JPH1: variants seen among roughly 807,000 people sequenced by gnomAD.
JPH1 encodes junctophilin 1.
JPH1 carries 12 observed loss-of-function variants against 53.6 expected under a neutral mutation model. The observed-to-expected ratio is 0.22, with a 90% CI of 0.14 to 0.36. The LOEUF is 0.36. JPH1 is among the 10% of genes least tolerant of loss of function. The pLI, the probability that JPH1 is intolerant of heterozygous loss-of-function variation, is 1.00. For missense variants in JPH1, 808 were observed against 905.5 expected, an observed-to-expected ratio of 0.89 and a Z score of 1.38; for synonymous variants, 375 against 363.8, an observed-to-expected ratio of 1.03 and a Z score of -0.35.
intron 2 of JPH1, among the ~76,000 whole-genome samples, chr8:74,301,175 T>G (rs1807671160): frequency 6.6e-6 from 1 of 151,958 alleles, no homozygotes; most frequent in Non-Finnish European, 1.5e-5. Flanking sequence ...TCAACCAGGG[T>G]CTTTTATCAC....
intron 2 of JPH1, among the ~76,000 whole-genome samples, chr8:74,268,148 A>G (rs1806589613): frequency 6.6e-6 from 1 of 152,238 alleles, no homozygotes; most frequent in African/African-American, 2.4e-5. Flanking sequence ...TGAAGTACTT[A>G]GTACTAACAT....
intron 2 of JPH1, among the ~76,000 whole-genome samples, chr8:74,297,429 T>C (rs1807551999): frequency 6.6e-6 from 1 of 152,116 alleles, no homozygotes; most frequent in South Asian, 2.1e-4. Flanking sequence ...CCACAGAACA[T>C]AACACAAAAC....
At chr8:74,294,751 G>A (rs1204971527) in intron 2 of JPH1, among the ~76,000 whole-genome samples, 1 of 152,196 alleles carries the variant, frequency 6.6e-6, no homozygotes, top group Non-Finnish European at 1.5e-5. Context: ...CAGGCATTTG[G>A]AAAATGCTGG....
intron 2 of JPH1, among the ~76,000 whole-genome samples, chr8:74,274,586 G>A (rs1806795204): frequency 6.6e-6 from 1 of 152,182 alleles, no homozygotes; most frequent in African/African-American, 2.4e-5. Flanking sequence ...GTGCTAGACA[G>A]AGGGTATAAG....
chr8:74,293,774 G>A (rs555201386), intron 2 of JPH1, among the ~76,000 whole-genome samples: 2 of 152,194 alleles, frequency 1.3e-5, no homozygotes, highest in Non-Finnish European at 2.9e-5. Context: ...ACCATAAAGA[G>A]GGGAGGGCAC....
intron 2 of JPH1, among the ~76,000 whole-genome samples, chr8:74,273,206 G>A (rs929145728): frequency 2.0e-5 from 3 of 152,282 alleles, no homozygotes; most frequent in African/African-American, 2.4e-5. Flanking sequence ...CTCAACTACT[G>A]AATGTTTGCT....
intron 2 of JPH1, among the ~76,000 whole-genome samples, chr8:74,289,051 G>A (rs894112726): frequency 1.5e-4 from 23 of 152,170 alleles, no homozygotes; most frequent in African/African-American, 5.3e-4. Context: ...GAGTGGGGAA[G>A]CTGCAGCATA....
At chr8:74,285,335 C>T (rs1807131938) in intron 2 of JPH1, among the ~76,000 whole-genome samples, 1 of 151,596 alleles carries the variant, frequency 6.6e-6, no homozygotes, top group Non-Finnish European at 1.5e-5. Flanking sequence ...CATATAAATA[C>T]TATATGTATT....
chr8:74,254,294 A>C (rs1258326692), intron 3 of JPH1, among the ~76,000 whole-genome samples: 2 of 152,148 alleles, frequency 1.3e-5, no homozygotes, highest in Non-Finnish European at 2.9e-5. Flanking sequence ...GACAAAAACC[A>C]CATGATTATC....
At chr8:74,253,821 C>G (rs943050688) in intron 3 of JPH1, among the ~76,000 whole-genome samples, 1 of 152,040 alleles carries the variant, frequency 6.6e-6, no homozygotes, top group African/African-American at 2.4e-5. Flanking sequence ...TTGACACAAA[C>G]ACTCTCCCAA....
chr8:74,285,130 A>C (rs1383371599), intron 2 of JPH1, among the ~76,000 whole-genome samples: 1 of 151,956 alleles, frequency 6.6e-6, no homozygotes, highest in African/African-American at 2.4e-5. Flanking sequence ...GCCTATGGTT[A>C]CTATTTCTAA....
At chr8:74,257,925 C>A (rs1030609847) in intron 3 of JPH1, among the ~76,000 whole-genome samples, 18 of 152,276 alleles carry the variant, frequency 1.2e-4, no homozygotes, top group Admixed American at 1.1e-3. Flanking sequence ...AAAACCGAAT[C>A]TTCTTTGCCT....
In JPH1 at chr8:74,321,319, G is replaced by A. The variant is rs892301334; in HGVS notation, c.-32C>T. On this transcript the variant is annotated 5_prime_UTR_variant, in exon 1 of 6. Transcript: ENST00000342232. This position sits in a 1 kb window ranked among gnomAD's most constrained non-coding sequence, Gnocchi z 4.3. ...GGCAGCCCCGGCGCGCTCCCCGCAG[G>A]GGCACGGACGCGGGCAGTGCTGGGC... 6 of 1,501,374 alleles carry A rather than the reference G, an allele frequency of 4.0e-6. No individual in the cohort carries two copies. In the South Asian group the frequency reaches 6.7e-5, roughly 17 times the overall value. 93.0% of individuals were successfully genotyped at this position (1,501,374 alleles called of 1,614,324 possible). A position where few individuals can be genotyped will look rare whatever the true frequency, so the allele number is the denominator to read the frequency against.
At position 74,320,273 on chromosome 8, in the gene JPH1, T is replaced by C. The variant is rs888348514; in HGVS notation, c.379+636A>G. Among the ~76,000 whole-genome samples the C allele has an allele frequency of 9.2e-5, 14 of 152,150 alleles. No individual in the cohort carries two copies. The highest frequency in any genetic ancestry group is 3.1e-4 in the African/African-American group (13 of 41,440). On this transcript the variant is annotated intron_variant, in intron 1 of 5. Coordinates refer to ENST00000342232, the MANE Select transcript of JPH1 (RefSeq NM_020647.4). The surrounding 1 kb of genome is among the most constrained non-coding windows in gnomAD (Gnocchi z 4.4). ...GAATGAAAACTAGGAACTCACACAC[T>C]CTGAACTCCACCTGCATCAGGTGGC...
chr8:74,315,024 TGGAGCCGTCA>T lies in JPH1; in HGVS notation c.966_975del (p.Asp323LysfsTer15). 1 of 1,614,246 alleles carries T rather than the reference TGGAGCCGTCA, an allele frequency of 6.2e-7. No individual in the cohort carries two copies. Among genetic ancestry groups the T allele is most frequent in the Non-Finnish European group, 8.5e-7 (1 of 1,180,050 alleles). On this transcript the variant is annotated frameshift_variant, in exon 2 of 6. Transcript: ENST00000342232. LOFTEE classifies it high-confidence loss of function. The surrounding 1 kb of genome is among the most constrained non-coding windows in gnomAD (Gnocchi z 6.3). ...TTATTTTTGTATTTTCCCTCTTCTT[TGGAGCCGTCA>T]GGAAACACGGTACAGCCATATCCAT...
chr8:74,237,951 A>G (rs1246422016), intron 4 of JPH1, among the ~76,000 whole-genome samples: 1 of 152,196 alleles, frequency 6.6e-6, no homozygotes, highest in East Asian at 1.9e-4. Context: ...AAACTATGGG[A>G]TCCTATTTTG....
intron 2 of JPH1, among the ~76,000 whole-genome samples, chr8:74,272,176 T>C (rs1355942484): frequency 6.6e-6 from 1 of 152,182 alleles, no homozygotes; most frequent in Non-Finnish European, 1.5e-5. Context: ...AATTTTTTCA[T>C]TGCTGTCCAA....
rs557834949 is a variant in JPH1, at chr8:74,321,035, C to T, written c.253G>A (p.Glu85Lys). 2 of 1,612,750 alleles carry T rather than the reference C, an allele frequency of 1.2e-6. No individual in the cohort carries two copies. The highest frequency in any genetic ancestry group is 2.2e-5 in the East Asian group (1 of 44,728). The stretch of plus-strand genomic sequence containing the variant: ...CGCCCCTTGAAACCATGTGACCACT[C>T]CCCCCGGTACATCCACTTGCCCTTC... ...ETKGKWMYRG[E>K]WSHGFKGRYG... is the part of the protein sequence containing the mutation. Residue 85 changes from glutamate (E) to lysine (K), a missense_variant, in exon 1 of 6, where the codon GAG becomes AAG. By Grantham distance (56) the Glu-to-Lys change is moderately conservative (BLOSUM62 1). Coordinates refer to ENST00000342232, the MANE Select transcript of JPH1 (RefSeq NM_020647.4). The surrounding 1 kb of genome is among the most constrained non-coding windows in gnomAD (Gnocchi z 4.3).
intron 2 of JPH1, among the ~76,000 whole-genome samples, chr8:74,287,052 C>A (rs1161922034): frequency 6.6e-6 from 1 of 152,200 alleles, no homozygotes; most frequent in African/African-American, 2.4e-5. Flanking sequence ...TTACAACTCT[C>A]AAGAGCTGAA....
Sources: gnomAD v4.1 joint callset for allele counts (sites outside exome capture counted in the v4.1 genomes callset) on GRCh38, gnomAD v4.1.1 for gene constraint, Gnocchi (gnomAD v3.1) non-coding constraint, MANE v1.5 for transcripts, NCBI Gene and HGNC (gene_info 2026-07-23, HGNC 2026-07-21) for gene names.